KCNH8: variants seen among roughly 807,000 people sequenced by gnomAD.
The protein encoded by KCNH8 is potassium voltage-gated channel subfamily H member 8.
In KCNH8, 70 loss-of-function variants were observed where a neutral mutation model predicts 103.6. That is an observed-to-expected ratio of 0.68 (90% CI 0.56 to 0.82). The LOEUF (loss-of-function observed/expected upper bound fraction) is 0.82. Among genes scored for constraint, KCNH8 ranks in the 40% least tolerant of loss-of-function variants. The probability of loss-of-function intolerance (pLI) is 0.00; values close to 1 mark genes in which losing one functional copy is unlikely to be tolerated. For missense variants in KCNH8, 1,217 were observed against 1,329.9 expected (o/e 0.92, Z 1.32); for synonymous variants, 498 against 489.4 (o/e 1.02, Z -0.23).
intron 1 of KCNH8, among the ~76,000 whole-genome samples, chr3:19,192,804 T>C (rs1282942145): frequency 6.6e-6 from 1 of 151,652 alleles, no homozygotes; most frequent in Admixed American, 6.6e-5. Context: ...TGTGATTAAA[T>C]TTGATCCCAT....
At chr3:19,312,634 A>C (rs2065221537) in intron 3 of KCNH8, among the ~76,000 whole-genome samples, 1 of 151,974 alleles carries the variant, frequency 6.6e-6, no homozygotes, top group Non-Finnish European at 1.5e-5. Context: ...AGTAAATATT[A>C]TTCTAAATAA....
At chr3:19,231,733 T>A (rs1235698823) in intron 1 of KCNH8, among the ~76,000 whole-genome samples, 1 of 152,184 alleles carries the variant, frequency 6.6e-6, no homozygotes, top group African/African-American at 2.4e-5. Context: ...CAATGCTGAA[T>A]CATTATTAGC....
chr3:19,292,472 G>C (rs1257409771), intron 3 of KCNH8, among the ~76,000 whole-genome samples: 1 of 152,174 alleles, frequency 6.6e-6, no homozygotes, highest in Non-Finnish European at 1.5e-5. Flanking sequence ...CTATTACTAA[G>C]TGACTTCAGA....
chr3:19,449,020 A>G (rs1478805613), intron 8 of KCNH8: 1 of 1,249,662 alleles, frequency 8.0e-7, no homozygotes, highest in African/African-American at 1.5e-5. Context: ...TAGTGAGTGC[A>G]AAATCCTGTC....
intron 8 of KCNH8, among the ~76,000 whole-genome samples, chr3:19,447,798 G>C (rs1269484338): frequency 2.6e-5 from 4 of 151,932 alleles, no homozygotes; most frequent in Non-Finnish European, 5.9e-5. Context: ...CCTCTATTTA[G>C]AATCTACAAA....
At chr3:19,375,762 G>C (rs1002985383) in intron 5 of KCNH8, among the ~76,000 whole-genome samples, 1 of 150,894 alleles carries the variant, frequency 6.6e-6, no homozygotes, top group Non-Finnish European at 1.5e-5. Context: ...CTTTGATGAT[G>C]GTGATGTACA....
rs1230089300 is a variant in KCNH8 at position 19,397,463 on chromosome 3, TAAAC to T, written c.1177+2157_1177+2160del. On this transcript the variant is annotated intron_variant, in intron 7 of 15. Coordinates refer to ENST00000328405, the MANE Select transcript of KCNH8 (RefSeq NM_144633.3). Reference sequence around the variant, plus strand: ...TTTCATGAGTAATGATTATCAAGAATAAACAAACCCCAAAATGTGCTTCATATAT... The same window carrying T: ...TTTCATGAGTAATGATTATCAAGAATAAACCCCAAAATGTGCTTCATATAT... Among the ~76,000 whole-genome samples, 9 of 151,410 alleles carry T rather than the reference TAAAC, an allele frequency of 5.9e-5. No homozygotes were observed. The East Asian group carries it at 7.8e-4, about 13-fold the overall frequency.
intron 5 of KCNH8, among the ~76,000 whole-genome samples, chr3:19,356,563 C>CTA (rs2065884297): frequency 6.6e-6 from 1 of 151,994 alleles, no homozygotes; most frequent in Non-Finnish European, 1.5e-5. Flanking sequence ...CAAAGTTTGG[C>CTA]TATATAGTTA....
chr3:19,272,837 A>G (rs2064608255), intron 2 of KCNH8, among the ~76,000 whole-genome samples: 1 of 152,092 alleles, frequency 6.6e-6, no homozygotes, highest in South Asian at 2.1e-4. Context: ...CTAATAAACT[A>G]TATAATTTGC....
At chr3:19,345,509 A>C (rs539987770) in intron 4 of KCNH8, among the ~76,000 whole-genome samples, 21 of 152,188 alleles carry the variant, frequency 1.4e-4, no homozygotes, top group Admixed American at 5.2e-4. Flanking sequence ...AATATGCTTG[A>C]AGATTAATAA....
At chr3:19,187,320 A>C (rs1269907324) in intron 1 of KCNH8, among the ~76,000 whole-genome samples, 2 of 151,990 alleles carry the variant, frequency 1.3e-5, no homozygotes, top group Non-Finnish European at 2.9e-5. Flanking sequence ...AGATATGCAT[A>C]GATATATATA....
intron 2 of KCNH8, among the ~76,000 whole-genome samples, chr3:19,271,034 A>G (rs2064580172): frequency 6.6e-6 from 1 of 152,194 alleles, no homozygotes; most frequent in South Asian, 2.1e-4. Context: ...AGCTTATGTT[A>G]TCAAAAAAAT....
intron 1 of KCNH8, among the ~76,000 whole-genome samples, chr3:19,191,136 A>G (rs578166896): frequency 6.6e-6 from 1 of 151,978 alleles, no homozygotes; most frequent in South Asian, 2.1e-4. Flanking sequence ...AAATGGTGCC[A>G]TAAACCTAAG....
chr3:19,248,475 T>A (rs538086565), intron 1 of KCNH8, among the ~76,000 whole-genome samples: 1 of 152,356 alleles, frequency 6.6e-6, no homozygotes, highest in Admixed American at 6.5e-5. Context: ...AATGAATTTT[T>A]AATGTATAAT....
In KCNH8 at chr3:19,206,168, G is replaced by GTGTGTATATATATATATA. The variant is rs979868166; in HGVS notation, c.77-47485_77-47484insGTGTATATATATATATAT. On this transcript the variant is annotated intron_variant, in intron 1 of 15. Coordinates refer to ENST00000328405, the MANE Select transcript of KCNH8 (RefSeq NM_144633.3). ...GTATATATATATTAATGGTGTGTGT[G>GTGTGTATATATATATATA]TATATATATATATATATCACAGTTA... Among the ~76,000 whole-genome samples the GTGTGTATATATATATATA allele has an allele frequency of 4.9e-3, 685 of 139,182 alleles. 10 individuals are homozygous for GTGTGTATATATATATATA. Among genetic ancestry groups the GTGTGTATATATATATATA allele is most frequent in the African/African-American group, 0.019 (654 of 34,780 alleles). The allele number at this position is 139,182 out of a possible 152,430, so 91.3% of individuals were successfully genotyped here. A position where few individuals can be genotyped will look rare whatever the true frequency, so the allele number is the denominator to read the frequency against.
At chr3:19,409,869 A>G (rs990228184) in intron 7 of KCNH8, among the ~76,000 whole-genome samples, 1 of 152,202 alleles carries the variant, frequency 6.6e-6, no homozygotes, top group Non-Finnish European at 1.5e-5. Context: ...CCAAATTCAT[A>G]AAATGAGAAC....
At chr3:19,387,897 C>T (rs1016329721) in intron 5 of KCNH8, among the ~76,000 whole-genome samples, 3 of 151,252 alleles carry the variant, frequency 2.0e-5, no homozygotes, top group East Asian at 1.9e-4. Flanking sequence ...GCTCTTTAAA[C>T]GAATATTCTC....
chr3:19,467,026 CTT>C (rs1395078717), intron 11 of KCNH8, among the ~76,000 whole-genome samples: 1 of 146,092 alleles, frequency 6.8e-6, no homozygotes, highest in Non-Finnish European at 1.5e-5. Context: ...TTAATGCACA[CTT>C]AATAGACTAC....
At chr3:19,287,584 G>T (rs1027926827) in intron 3 of KCNH8, among the ~76,000 whole-genome samples, 1 of 151,594 alleles carries the variant, frequency 6.6e-6, no homozygotes, top group Admixed American at 6.6e-5. Context: ...TGTTGTTGTT[G>T]TTGTTGTTGT....
Sources: allele counts gnomAD v4.1 joint callset (sites outside exome capture counted in the v4.1 genomes callset), GRCh38; gene constraint gnomAD v4.1.1; transcripts MANE v1.5; gene names NCBI Gene and HGNC (gene_info 2026-07-23, HGNC 2026-07-21).